RNF212B: variants seen among roughly 807,000 people sequenced by gnomAD.
RNF212B encodes ring finger protein 212B.
A neutral mutation model predicts 55.5 loss-of-function variants in RNF212B; 52 were observed. The observed-to-expected ratio is 0.94, with a 90% CI of 0.75 to 1.18. The LOEUF is 1.18. Among genes scored for constraint, RNF212B ranks in the 50% most tolerant of loss-of-function variants. RNF212B has a pLI of 0.00. For synonymous variants in RNF212B, 99 were observed against 121.4 expected, an observed-to-expected ratio of 0.82 and a Z score of 1.21; for missense variants, 289 against 350.4, an observed-to-expected ratio of 0.82 and a Z score of 1.40.
intron 2 of RNF212B, among the ~76,000 whole-genome samples, chr14:23,222,207 C>A (rs564474735): frequency 4.0e-5 from 6 of 151,602 alleles, no homozygotes; most frequent in African/African-American, 1.4e-4. Flanking sequence ...AAAAAAAGTT[C>A]TTTTGAAAAG....
At chr14:23,262,402 A>G (rs889858038) in intron 7 of RNF212B, among the ~76,000 whole-genome samples, 12 of 152,184 alleles carry the variant, frequency 7.9e-5, no homozygotes, top group Non-Finnish European at 1.6e-4. Context: ...CACTGAGGAG[A>G]GAAGAAAGGT....
At chr14:23,270,256 C>T (rs539282779) in intron 13 of RNF212B, among the ~76,000 whole-genome samples, 14 of 152,184 alleles carry the variant, frequency 9.2e-5, no homozygotes, top group Non-Finnish European at 1.8e-4. Context: ...ATGCTGGGCG[C>T]TCAGTTCTGA....
At chr14:23,265,336 A>G (rs1267215101) in intron 11 of RNF212B, among the ~76,000 whole-genome samples, 1 of 152,188 alleles carries the variant, frequency 6.6e-6, no homozygotes, top group Non-Finnish European at 1.5e-5. Context: ...CCTGAAGGGT[A>G]TCTGGCTTCT....
At position 23,258,657 on chromosome 14, in the gene RNF212B, C is replaced by G. The variant is rs1885042174; in HGVS notation, c.337C>G (p.Gln113Glu). The change falls in exon 5 of 15, where the codon CAG (glutamine) becomes GAG (glutamate). Residue 113 changes from glutamine (Q) to glutamate (E), a missense_variant. Gln to Glu is a conservative substitution (Grantham distance 29). Transcript: ENST00000430154. ...GGAGGCACAGCAAGCACTGGTGAGC[C>G]AGGACAAGTAAGTAACAAATCAAGT... ...MQEAQQALVS[Q>E]DKELSVLRKE... The G allele has an allele frequency of 1.4e-6, 2 of 1,472,032 alleles. No individual in the cohort carries two copies. 91.2% of individuals were successfully genotyped at this position (1,472,032 alleles called of 1,614,324 possible). A position where few individuals can be genotyped will look rare whatever the true frequency, so the allele number is the denominator to read the frequency against.
upstream of RNF212B, among the ~76,000 whole-genome samples, chr14:23,236,626 AAAT>A (rs1883122188): frequency 6.6e-6 from 1 of 152,220 alleles, no homozygotes; most frequent in Non-Finnish European, 1.5e-5. Context: ...TAAAAATTTC[AAAT>A]AATAAATATT....
At chr14:23,244,172 A>G (rs1215147762) in intron 3 of RNF212B, 150 bp from the exon 4 acceptor site, 1 of 526,722 alleles carries the variant, frequency 1.9e-6, no homozygotes, top group Admixed American at 3.7e-5. Context: ...CATATAATGT[A>G]CATCTAGAAG....
chr14:23,191,079 C>T (rs1199273071), intron 1 of RNF212B, among the ~76,000 whole-genome samples: 1 of 152,180 alleles, frequency 6.6e-6, no homozygotes. Flanking sequence ...GCAGGCTGCG[C>T]GCAGTGGCTC....
At chr14:23,222,708 T>A (rs904592286) in intron 2 of RNF212B, among the ~76,000 whole-genome samples, 1 of 152,170 alleles carries the variant, frequency 6.6e-6, no homozygotes, top group East Asian at 1.9e-4. Flanking sequence ...ATATCTCTGA[T>A]GAATATTGAT....
chr14:23,243,030 G>A (rs1316733461), intron 2 of RNF212B, among the ~76,000 whole-genome samples: 1 of 151,408 alleles, frequency 6.6e-6, no homozygotes, highest in African/African-American at 2.4e-5. Context: ...GTAGACGTAC[G>A]GTGTGAAAGC....
intron 2 of RNF212B, among the ~76,000 whole-genome samples, chr14:23,213,474 A>G (rs780059949): frequency 1.7e-4 from 26 of 152,288 alleles, no homozygotes; most frequent in Non-Finnish European, 3.7e-4. Context: ...TAAAAATTCC[A>G]CCAGGAGTCA....
chr14:23,243,146 C>G (rs1030089984), intron 2 of RNF212B, 110 bp from the exon 3 acceptor site: 11 of 717,624 alleles, frequency 1.5e-5, no homozygotes, highest in East Asian at 2.8e-5. Context: ...AGTTAAGAAC[C>G]CTTTTTTTCT....
intron 2 of RNF212B, among the ~76,000 whole-genome samples, chr14:23,195,777 A>C (rs1391677150): frequency 6.6e-6 from 1 of 152,226 alleles, no homozygotes; most frequent in African/African-American, 2.4e-5. Flanking sequence ...CAGACACTTC[A>C]TGTAACAAGG....
chr14:23,198,803 T>C (rs993543590), intron 2 of RNF212B, among the ~76,000 whole-genome samples: 1 of 151,992 alleles, frequency 6.6e-6, no homozygotes, highest in Non-Finnish European at 1.5e-5. Context: ...AATAAGTAAA[T>C]GTATAGTGGA....
At chr14:23,191,757 T>C (rs927045658) in intron 1 of RNF212B, among the ~76,000 whole-genome samples, 6 of 152,172 alleles carry the variant, frequency 3.9e-5, no homozygotes. Flanking sequence ...TTTTCTGTAA[T>C]AAAAAACAAA....
At chr14:23,239,937 T>C (rs1883433786) in intron 1 of RNF212B, among the ~76,000 whole-genome samples, 1 of 150,350 alleles carries the variant, frequency 6.7e-6, no homozygotes, top group Admixed American at 6.7e-5. Context: ...ATTTTCTAAT[T>C]ACAAACTGGC....
At chr14:23,191,716 T>C (rs1354082134) in intron 1 of RNF212B, among the ~76,000 whole-genome samples, 4 of 152,212 alleles carry the variant, frequency 2.6e-5, no homozygotes, top group Non-Finnish European at 5.9e-5. Flanking sequence ...TAATAGTCCA[T>C]TAGACTGTCT....
At chr14:23,217,505 G>A (rs572538363) in intron 2 of RNF212B, among the ~76,000 whole-genome samples, 2 of 152,296 alleles carry the variant, frequency 1.3e-5, no homozygotes, top group African/African-American at 4.8e-5. Flanking sequence ...CACAGTCCCA[G>A]TGGTGGTTGC....
intron 2 of RNF212B, among the ~76,000 whole-genome samples, chr14:23,220,979 G>T (rs1193846506): frequency 6.6e-6 from 1 of 151,980 alleles, no homozygotes; most frequent in African/African-American, 2.4e-5. Flanking sequence ...AAATAAAATG[G>T]CAGGAGTAAG....
chr14:23,232,286 C>A (rs1031727767), intron 2 of RNF212B, among the ~76,000 whole-genome samples: 1 of 151,946 alleles, frequency 6.6e-6, no homozygotes, highest in South Asian at 2.1e-4. Context: ...GCGCCTCTGC[C>A]CGGCCGCAAC....
Sources: allele counts gnomAD v4.1 joint callset (sites outside exome capture counted in the v4.1 genomes callset), GRCh38; gene constraint gnomAD v4.1.1; transcripts MANE v1.5; gene names NCBI Gene and HGNC (gene_info 2026-07-23, HGNC 2026-07-21).